TRIM35: variants seen among roughly 807,000 people sequenced by gnomAD.
TRIM35 encodes the protein tripartite motif containing 35, also known as E3 ubiquitin-protein ligase TRIM35.
A neutral mutation model predicts 49.1 loss-of-function variants in TRIM35; 37 were observed. The ratio of observed to expected loss-of-function variants is 0.75; its 90% CI spans 0.58 to 0.99. The LOEUF is 0.99. Ranked by LOEUF, TRIM35 falls within the 50% of genes least tolerant of loss-of-function variation. The pLI, the probability that TRIM35 is intolerant of heterozygous loss-of-function variation, is 0.00. For synonymous variants in TRIM35, 302 were observed against 289.3 expected, an observed-to-expected ratio of 1.04 and a Z score of -0.45; for missense variants, 648 against 702.7, an observed-to-expected ratio of 0.92 and a Z score of 0.88.
intron 2 of TRIM35, among the ~76,000 whole-genome samples, chr8:27,297,032 G>A (rs1802583946): frequency 6.6e-6 from 1 of 152,136 alleles, no homozygotes; most frequent in Non-Finnish European, 1.5e-5. Context: ...GGGGGTTGAG[G>A]GATTTGCTGG....
chr8:27,305,834 C>CTTTA (rs1298833636), intron 1 of TRIM35, among the ~76,000 whole-genome samples: 6 of 152,108 alleles, frequency 3.9e-5, no homozygotes, highest in East Asian at 1.9e-4. Context: ...GATCCTAGAA[C>CTTTA]TTTATTTATT....
In TRIM35 at chr8:27,311,249, G is replaced by A. The variant is rs536206083; in HGVS notation, c.-14C>T. ...ACTCCGCTCCATGGCACGAGCAGCCGGCTCGGGCGCCCGGAACTTTTGCTC... is the reference window on the plus strand; with the variant it reads ...ACTCCGCTCCATGGCACGAGCAGCCAGCTCGGGCGCCCGGAACTTTTGCTC... On this transcript the variant is annotated 5_prime_UTR_variant, in exon 1 of 6. Coordinates refer to ENST00000305364, the MANE Select transcript of TRIM35 (RefSeq NM_171982.5). The A allele has an allele frequency of 6.5e-4, 965 of 1,493,716 alleles. 4 individuals are homozygous for A. The highest frequency in any genetic ancestry group is 1.9e-3 in the Middle Eastern group (9 of 4,652). 92.5% of individuals were successfully genotyped at this position (1,493,716 alleles called of 1,614,324 possible). A position where few individuals can be genotyped will look rare whatever the true frequency, so the allele number is the denominator to read the frequency against.
intron 3 of TRIM35, among the ~76,000 whole-genome samples, chr8:27,292,991 ATTTTTC>A (rs1802485345): frequency 1.3e-5 from 2 of 149,756 alleles, no homozygotes; most frequent in African/African-American, 5.0e-5. Context: ...CCACAAAATG[ATTTTTC>A]TTTTTCTTTT....
At position 27,284,957 on chromosome 8, in the gene TRIM35, A is replaced by G. The variant is rs1248067307; in HGVS notation, c.*2593T>C. 6.6e-6 allele frequency: 1 copy of G among 152,230 alleles called. No individual in the cohort carries two copies. Among genetic ancestry groups the G allele is most frequent in the Non-Finnish European group, 1.5e-5 (1 of 68,040 alleles). The allele number at this position is 152,230 out of a possible 1,614,324, so 9.4% of individuals were successfully genotyped here. ...GAAACAGCTCACGGAGAAAAATTTT[A>G]TAATCATATACCAGTTAAAGGGACT... On this transcript the variant is annotated 3_prime_UTR_variant, in exon 6 of 6. Transcript: ENST00000305364.
Position 27,311,205 on chromosome 8 carries a change from G to T in TRIM35, c.31C>A (p.Pro11Thr). 6.3e-7 allele frequency: 1 copy of T among 1,590,188 alleles called. No homozygotes were observed. The highest frequency in any genetic ancestry group is 8.6e-7 in the Non-Finnish European group (1 of 1,166,166). Residue 11 changes from proline (P) to threonine (T), a missense_variant, in exon 1 of 6, where the codon CCT becomes ACT. Physicochemically the swap from Pro to Thr is conservative, Grantham distance 38. Transcript: ENST00000305364. Reference sequence around the variant, plus strand: ...AACTCCTCCTTGAAGGAGCGGGAAGGCCCGGGGGACACGTCGGGACTCCGC... The same window carrying T: ...AACTCCTCCTTGAAGGAGCGGGAAGTCCCGGGGGACACGTCGGGACTCCGC... MERSPDVSPG[P>T]SRSFKEELLC...
intron 1 of TRIM35, chr8:27,304,645 TG>T (rs1416932745): frequency 2.9e-6 from 1 of 350,078 alleles, no homozygotes; most frequent in South Asian, 2.2e-5. Context: ...CTCTGCAAGG[TG>T]AGAGACTTTG....
intron 3 of TRIM35, among the ~76,000 whole-genome samples, chr8:27,292,014 T>C (rs1373905850): frequency 1.3e-5 from 2 of 152,224 alleles, no homozygotes; most frequent in African/African-American, 4.8e-5. Flanking sequence ...GGGATTAAGT[T>C]TGTAACACAT....
intron 2 of TRIM35, among the ~76,000 whole-genome samples, chr8:27,297,344 A>T (rs1292101918): frequency 3.3e-5 from 5 of 152,218 alleles, no homozygotes; most frequent in Non-Finnish European, 5.9e-5. Context: ...AAAGCCAAAG[A>T]CCAGAGCCAA....
rs1802934841 is a variant in TRIM35 at position 27,311,016 on chromosome 8, T to TGTG, written c.217_219dup (p.His73dup). 6.2e-7 allele frequency: 1 copy of TGTG among 1,609,770 alleles called. No homozygotes were observed. The highest frequency in any genetic ancestry group is 1.3e-5 in the African/African-American group (1 of 74,752). Reference sequence around the variant, plus strand: ...AGCTTCTCCACCAGGTTGTTGAGGGTGTGGTTGGTGCGCAGGTCGGCGGGT... The same window carrying TGTG: ...AGCTTCTCCACCAGGTTGTTGAGGGTGTGGTGGTTGGTGCGCAGGTCGGCGGGT... On this transcript the variant is annotated inframe_insertion, in exon 1 of 6. Coordinates refer to ENST00000305364, the MANE Select transcript of TRIM35 (RefSeq NM_171982.5).
At position 27,287,469 on chromosome 8, in the gene TRIM35, T is replaced by G; in HGVS notation, c.*81A>C. 7.1e-7 allele frequency: 1 copy of G among 1,400,948 alleles called. No homozygotes were observed. The allele number at this position is 1,400,948 out of a possible 1,614,324, so 86.8% of individuals were successfully genotyped here. On this transcript the variant is annotated 3_prime_UTR_variant, in exon 6 of 6. Transcript: ENST00000305364. The surrounding 1 kb of genome is among the most constrained non-coding windows in gnomAD (Gnocchi z 6.0). The stretch of plus-strand genomic sequence containing the variant: ...TGGCAAGGAGGCAGGGGCGCAATAG[T>G]GCCCAAGCAGTGTGGGCATTAGGAA...
intron 1 of TRIM35, among the ~76,000 whole-genome samples, chr8:27,305,327 C>T (rs1802761737): frequency 6.6e-6 from 1 of 152,254 alleles, no homozygotes; most frequent in Admixed American, 6.5e-5. Context: ...GTTCAGACCT[C>T]CTTCCAAAGC....
intron 1 of TRIM35, among the ~76,000 whole-genome samples, chr8:27,309,537 C>T (rs1234894490): frequency 6.6e-6 from 1 of 152,148 alleles, no homozygotes; most frequent in African/African-American, 2.4e-5. Context: ...ACAGAGGGGG[C>T]CAGAAACCAG....
At chr8:27,300,017 C>T (rs1802650944) in intron 1 of TRIM35, among the ~76,000 whole-genome samples, 1 of 152,152 alleles carries the variant, frequency 6.6e-6, no homozygotes, top group African/African-American at 2.4e-5. Flanking sequence ...CTGTGTACAC[C>T]CTGCCTTCCT....
intron 1 of TRIM35, among the ~76,000 whole-genome samples, chr8:27,309,768 AG>A (rs112104302): frequency 0.018 from 2,722 of 152,046 alleles, 85 homozygotes; most frequent in African/African-American, 0.061. Context: ...AGATCACTTG[AG>A]GCCAGGAGTT....
At chr8:27,296,085 T>C (rs1286731864) in intron 2 of TRIM35, among the ~76,000 whole-genome samples, 2 of 151,156 alleles carry the variant, frequency 1.3e-5, no homozygotes, top group Admixed American at 1.3e-4. Context: ...ACAAACAGCA[T>C]GGTTAACCTA....
rs377746796 is a variant in TRIM35 at position 27,287,768 on chromosome 8, G to T, written c.1264C>A (p.Leu422Met). The change falls in exon 6 of 6, where the codon CTG (leucine) becomes ATG (methionine). Residue 422 changes from leucine to methionine, a missense_variant. Physicochemically the swap from Leu to Met is conservative, Grantham distance 15. Transcript: ENST00000305364. The surrounding 1 kb of genome is among the most constrained non-coding windows in gnomAD (Gnocchi z 6.0). ...ACACGCAGGCGGCGTGGGATGGCCA[G>T]GACCAGGGGCGACGTGGCTGGGTCC... ...TSDPATSPLVLAIPRRLRVEL... is the reference protein window; with the variant it reads ...TSDPATSPLVMAIPRRLRVEL... 1.9e-6 allele frequency: 3 copies of T among 1,610,348 alleles called. No homozygotes were observed. Among genetic ancestry groups the T allele is most frequent in the Non-Finnish European group, 2.5e-6 (3 of 1,178,728 alleles).
intron 3 of TRIM35, among the ~76,000 whole-genome samples, chr8:27,290,634 A>G (rs1281975390): frequency 2.0e-5 from 3 of 152,220 alleles, no homozygotes; most frequent in Non-Finnish European, 2.9e-5. Flanking sequence ...GTATTGTTTT[A>G]TAATTTACCC....
intron 3 of TRIM35, among the ~76,000 whole-genome samples, chr8:27,293,329 A>G (rs1198565109): frequency 6.6e-6 from 1 of 152,122 alleles, no homozygotes; most frequent in Non-Finnish European, 1.5e-5. Context: ...CCACTGGCTC[A>G]TGGGGAGGAA....
rs769330851 is a variant in TRIM35, at chr8:27,286,384, G to T, written c.*1166C>A. 2.9e-4 allele frequency: 95 copies of T among 332,714 alleles called. No individual in the cohort carries two copies. The highest frequency in any genetic ancestry group is 5.0e-4 in the Non-Finnish European group (84 of 168,132). 20.6% of individuals were successfully genotyped at this position (332,714 alleles called of 1,614,324 possible). On this transcript the variant is annotated 3_prime_UTR_variant, in exon 6 of 6. Transcript: ENST00000305364. Reference sequence around the variant, plus strand: ...CCTCTCCCACAGCGTTTAGGGCCACGTCCATGGCGCCACCCCTCTCCTTTC... The same window carrying T: ...CCTCTCCCACAGCGTTTAGGGCCACTTCCATGGCGCCACCCCTCTCCTTTC...
Sources: allele counts gnomAD v4.1 joint callset (sites outside exome capture counted in the v4.1 genomes callset), GRCh38; gene constraint gnomAD v4.1.1; non-coding constraint Gnocchi (gnomAD v3.1); transcripts MANE v1.5; gene names NCBI Gene and HGNC (gene_info 2026-07-23, HGNC 2026-07-21).